The following GTSE1 variants were observed in gnomAD, a reference collection of about 807,000 sequenced individuals.
GTSE1 encodes G2 and S phase-expressed protein 1.
In GTSE1, 52 loss-of-function variants were observed where a neutral mutation model predicts 60.5. That is an observed-to-expected ratio of 0.86 (90% CI 0.69 to 1.08). The LOEUF (loss-of-function observed/expected upper bound fraction) is 1.08. Ranked by LOEUF, GTSE1 falls within the 50% of genes least tolerant of loss-of-function variation. The pLI is 0.00. For missense variants in GTSE1, 937 were observed against 961.8 expected (o/e 0.97, Z 0.34); for synonymous variants, 368 against 386.5 (o/e 0.95, Z 0.56).
At chr22:46,315,180 T>A (rs1388882275) in intron 6 of GTSE1, among the ~76,000 whole-genome samples, 1 of 152,002 alleles carries the variant, frequency 6.6e-6, no homozygotes, top group Non-Finnish European at 1.5e-5. Context: ...TGCCTCAGCC[T>A]CCCAAGTAGC....
At chr22:46,305,040 A>G (rs543911947) in intron 2 of GTSE1, among the ~76,000 whole-genome samples, 110 of 152,300 alleles carry the variant, frequency 7.2e-4, no homozygotes, top group African/African-American at 2.5e-3. Flanking sequence ...TTCTTTATTG[A>G]TCACTTTCTA....
Position 46,297,576 on chromosome 22 carries a change from T to C in GTSE1, c.79+97T>C. ...CCCTGAGAAATTCTTTCTCAAGTGC[T>C]CGACTTGTACTCTGCACCTGTGAAA... On this transcript the variant is annotated intron_variant, in intron 2 of 11. Coordinates refer to ENST00000454366, the MANE Select transcript of GTSE1 (RefSeq NM_016426.7). The surrounding 1 kb of genome is among the most constrained non-coding windows in gnomAD (Gnocchi z 4.9). The C allele has an allele frequency of 2.3e-6, 2 of 863,730 alleles. No individual in the cohort carries two copies. Among genetic ancestry groups the C allele is most frequent in the Non-Finnish European group, 3.8e-6 (2 of 525,726 alleles). 53.5% of individuals were successfully genotyped at this position (863,730 alleles called of 1,614,324 possible).
At chr22:46,303,552 G>A (rs772375973) in intron 2 of GTSE1, among the ~76,000 whole-genome samples, 1 of 152,138 alleles carries the variant, frequency 6.6e-6, no homozygotes, top group Non-Finnish European at 1.5e-5. Flanking sequence ...TGCTTTATGT[G>A]TCCAGAACAG....
In GTSE1 at chr22:46,304,146, T is replaced by A. The variant is rs1170894755; in HGVS notation, c.80-4004T>A. Among the ~76,000 whole-genome samples the A allele has an allele frequency of 6.6e-6, 1 of 152,038 alleles. No individual in the cohort carries two copies. The highest frequency in any genetic ancestry group is 1.5e-5 in the Non-Finnish European group (1 of 67,992). On this transcript the variant is annotated intron_variant, in intron 2 of 11. Coordinates refer to ENST00000454366, the MANE Select transcript of GTSE1 (RefSeq NM_016426.7). The surrounding 1 kb of genome is among the most constrained non-coding windows in gnomAD (Gnocchi z 4.4). The stretch of plus-strand genomic sequence containing the variant: ...CTGGGACTACAGGTATATGGCACCA[T>A]ACCCCGCTCATTTTTTTTTTTCTTT...
Position 46,308,749 on chromosome 22 carries a change from C to CT in GTSE1, c.569dup (p.Pro191AlafsTer54), listed in dbSNP as rs778688311. On this transcript the variant is annotated frameshift_variant, in exon 4 of 12. Transcript: ENST00000454366. LOFTEE classifies it high-confidence loss of function. Reference sequence around the variant, plus strand: ...TCGGCTCTTGGCCTCCTCCCCGGCCCTGCCCAGCTCTGGTGCCCAGGCCCG... The same window carrying CT: ...TCGGCTCTTGGCCTCCTCCCCGGCCCTTGCCCAGCTCTGGTGCCCAGGCCCG... 2.0e-5 allele frequency: 32 copies of CT among 1,613,252 alleles called. No homozygotes were observed. The highest frequency in any genetic ancestry group is 2.6e-5 in the Non-Finnish European group (31 of 1,180,018).
chr22:46,308,920 A>G lies in GTSE1; in HGVS notation c.739A>G (p.Ser247Gly). 6.2e-7 allele frequency: 1 copy of G among 1,612,128 alleles called. No individual in the cohort carries two copies. Among genetic ancestry groups the G allele is most frequent in the Non-Finnish European group, 8.5e-7 (1 of 1,179,330 alleles). ...LPRAASVRGRSIPGAAEKPKK... is the reference protein window; with the variant it reads ...LPRAASVRGRGIPGAAEKPKK... ...TCGAGCGGCCTCTGTTAGAGGAAGAAGCATCCCTGGGGCTGCGGAGAAGGT... is the reference window on the plus strand; with the variant it reads ...TCGAGCGGCCTCTGTTAGAGGAAGAGGCATCCCTGGGGCTGCGGAGAAGGT... Residue 247 changes from serine (S) to glycine (G), a missense_variant, in exon 4 of 12, where the codon AGC (serine) becomes GGC (glycine). Ser to Gly is a moderately conservative substitution (Grantham distance 56). Coordinates refer to ENST00000454366, the MANE Select transcript of GTSE1 (RefSeq NM_016426.7).
At chr22:46,298,348 C>T (rs924127253) in intron 2 of GTSE1, among the ~76,000 whole-genome samples, 1 of 152,016 alleles carries the variant, frequency 6.6e-6, no homozygotes, top group African/African-American at 2.4e-5. Flanking sequence ...CACTCTGTCT[C>T]CCAGGCTGGA....
At chr22:46,322,917 C>T (rs769217816) in intron 7 of GTSE1, among the ~76,000 whole-genome samples, 2 of 152,168 alleles carry the variant, frequency 1.3e-5, no homozygotes, top group Non-Finnish European at 1.5e-5. Flanking sequence ...GGTGGGGCGG[C>T]GCAGTGAAGA....
At chr22:46,298,214 C>T (rs1220495491) in intron 2 of GTSE1, among the ~76,000 whole-genome samples, 6 of 151,046 alleles carry the variant, frequency 4.0e-5, no homozygotes, top group Non-Finnish European at 8.8e-5. Context: ...CTGCCTGCCT[C>T]GGCCTCCCAA....
chr22:46,310,220 A>T lies in GTSE1; in HGVS notation c.762+1277A>T, dbSNP rs1013174711. Among the ~76,000 whole-genome samples the T allele has an allele frequency of 3.3e-5, 5 of 152,220 alleles. No individual in the cohort carries two copies. Among genetic ancestry groups the T allele is most frequent in the African/African-American group, 1.2e-4 (5 of 41,454 alleles). On this transcript the variant is annotated intron_variant, in intron 4 of 11. Transcript: ENST00000454366. The surrounding 1 kb of genome is among the most constrained non-coding windows in gnomAD (Gnocchi z 4.4). ...CCACTTGAGTGTAACACCTACTTACAAGTGTGCTTGACAGAGAACTGCTAG... is the reference window on the plus strand; with the variant it reads ...CCACTTGAGTGTAACACCTACTTACTAGTGTGCTTGACAGAGAACTGCTAG...
At chr22:46,328,963 A>T in intron 10 of GTSE1, 74 bp downstream of exon 10, 1 of 1,227,996 alleles carries the variant, frequency 8.1e-7, no homozygotes, top group Non-Finnish European at 1.2e-6. Context: ...CGTGGAACCC[A>T]GGGCTGTGGC....
chr22:46,301,163 T>C (rs2077687258), intron 2 of GTSE1, among the ~76,000 whole-genome samples: 1 of 152,234 alleles, frequency 6.6e-6, no homozygotes, highest in Non-Finnish European at 1.5e-5. Flanking sequence ...AACATTTAGT[T>C]TGTGCCTAGA....
chr22:46,317,918 G>T lies in GTSE1; in HGVS notation c.1432+1506G>T, dbSNP rs1243390817. On this transcript the variant is annotated intron_variant, in intron 7 of 11. Transcript: ENST00000454366. This position sits in a 1 kb window ranked among gnomAD's most constrained non-coding sequence, Gnocchi z 5.6. ...CTCCGCTCGTTGCTCCCTGGTAGTT[G>T]CTCTTCTCTTGACCTTGAGGACTCC... 1.3e-5 allele frequency among the ~76,000 whole-genome samples: 2 copies of T among 152,242 alleles called. No individual in the cohort carries two copies. The highest frequency in any genetic ancestry group is 4.8e-5 in the African/African-American group (2 of 41,474).
chr22:46,305,936 T>A (rs550829396), intron 2 of GTSE1, among the ~76,000 whole-genome samples: 5 of 152,072 alleles, frequency 3.3e-5, no homozygotes, highest in Non-Finnish European at 5.9e-5. Context: ...AAATTATATT[T>A]TCCTAGAAAA....
At chr22:46,301,847 G>A (rs556421390) in intron 2 of GTSE1, among the ~76,000 whole-genome samples, 2 of 152,206 alleles carry the variant, frequency 1.3e-5, no homozygotes, top group East Asian at 3.9e-4. Context: ...AGAATGTTTC[G>A]GCCAGGTGCG....
rs201762133 is a variant in GTSE1, at chr22:46,326,615, G to A, written c.1685G>A (p.Arg562Gln). 178 of 1,613,012 alleles carry A rather than the reference G, an allele frequency of 1.1e-4. No individual in the cohort carries two copies. Among genetic ancestry groups the A allele is most frequent in the Middle Eastern group, 1.6e-4 (1 of 6,082 alleles). Residue 562 changes from arginine (R) to glutamine (Q), a missense_variant, in exon 9 of 12, where the codon CGG (arginine) becomes CAG (glutamine). Arg to Gln is a conservative substitution (Grantham distance 43). Transcript: ENST00000454366. ...GGCTCTCCCCTGTGTGTGCCAGCTC[G>A]GAGACGTTCCTCTGAGCCCCGCAAG... ...AVGSPLCVPARRRSSEPRKNS... is the reference protein window; with the variant it reads ...AVGSPLCVPAQRRSSEPRKNS...
intron 7 of GTSE1, 58 bp from the exon 8 acceptor site, chr22:46,323,132 A>C (rs2077823059): frequency 1.4e-5 from 16 of 1,113,530 alleles, no homozygotes; most frequent in South Asian, 4.9e-5. Context: ...CGATCCCCCA[A>C]CAGTAGGTCT....
rs1344001304 is a variant in GTSE1 at position 46,320,121 on chromosome 22, C to T, written c.1433-3069C>T. Among the ~76,000 whole-genome samples, 1 of 152,112 alleles carries T rather than the reference C, an allele frequency of 6.6e-6. No homozygotes were observed. The highest frequency in any genetic ancestry group is 1.9e-4 in the East Asian group (1 of 5,190). ...TTCCCTTCTGCCTGAATGCCTGGAG[C>T]CAGGACATGCGTCTGCCATGTCTCT... On this transcript the variant is annotated intron_variant, in intron 7 of 11. Coordinates refer to ENST00000454366, the MANE Select transcript of GTSE1 (RefSeq NM_016426.7). This position sits in a 1 kb window ranked among gnomAD's most constrained non-coding sequence, Gnocchi z 7.1.
In GTSE1 at chr22:46,321,598, T is replaced by C. The variant is rs371979772; in HGVS notation, c.1433-1592T>C. ...TAACTCTTGTAACAAACGGAGTTTC[T>C]GAAGAATGCGGAGGTAGCAATGTGG... On this transcript the variant is annotated intron_variant, in intron 7 of 11. Coordinates refer to ENST00000454366, the MANE Select transcript of GTSE1 (RefSeq NM_016426.7). The surrounding 1 kb of genome is among the most constrained non-coding windows in gnomAD (Gnocchi z 4.0). Among the ~76,000 whole-genome samples, 1 of 152,182 alleles carries C rather than the reference T, an allele frequency of 6.6e-6. No homozygotes were observed. Among genetic ancestry groups the C allele is most frequent in the Non-Finnish European group, 1.5e-5 (1 of 68,030 alleles).
Sources: gnomAD v4.1 joint callset for allele counts (sites outside exome capture counted in the v4.1 genomes callset) on GRCh38, gnomAD v4.1.1 for gene constraint, Gnocchi (gnomAD v3.1) non-coding constraint, MANE v1.5 for transcripts, NCBI Gene and HGNC (gene_info 2026-07-23, HGNC 2026-07-21) for gene names.